ADGRL3: variants seen among roughly 807,000 people sequenced by gnomAD.
ADGRL3 encodes the protein calcium-independent alpha-latrotoxin receptor 3.
ADGRL3 carries 62 observed loss-of-function variants against 153.5 expected under a neutral mutation model. The observed-to-expected ratio is 0.40, with a 90% confidence interval of 0.33 to 0.50. The LOEUF (loss-of-function observed/expected upper bound fraction) is 0.50, where lower values mean the gene tolerates loss of function less well. Among genes scored for constraint, ADGRL3 ranks in the 20% least tolerant of loss-of-function variants. The pLI, the probability that ADGRL3 is intolerant of heterozygous loss-of-function variation, is 0.47. For missense variants in ADGRL3, 1,641 were observed against 1,859.4 expected, an observed-to-expected ratio of 0.88 and a Z score of 2.16; for synonymous variants, 710 against 672.5, an observed-to-expected ratio of 1.06 and a Z score of -0.86.
chr4:61,516,125 T>C (rs768422189), intron 3 of ADGRL3, among the ~76,000 whole-genome samples: 14 of 152,124 alleles, frequency 9.2e-5, no homozygotes, highest in Non-Finnish European at 1.8e-4. Context: ...TATTTCTTAA[T>C]ATGATTTTTT....
chr4:61,494,379 G>C (rs966823460), intron 2 of ADGRL3, among the ~76,000 whole-genome samples: 29 of 152,098 alleles, frequency 1.9e-4, no homozygotes, highest in African/African-American at 7.0e-4. Flanking sequence ...GGCAAAAAAG[G>C]CACAGAAAAA....
At chr4:61,802,992 G>A (rs915389701) in intron 8 of ADGRL3, among the ~76,000 whole-genome samples, 3 of 152,068 alleles carry the variant, frequency 2.0e-5, no homozygotes, top group Admixed American at 2.0e-4. Context: ...GGAAGAAAAT[G>A]AGACTATAAT....
chr4:61,716,558 C>T (rs1561114427), intron 6 of ADGRL3, among the ~76,000 whole-genome samples: 1 of 152,018 alleles, frequency 6.6e-6, no homozygotes, highest in African/African-American at 2.4e-5. Flanking sequence ...TTTAATCTAT[C>T]GATGTCATGG....
chr4:61,286,553 G>A (rs1277079194), intron 1 of ADGRL3, among the ~76,000 whole-genome samples: 1 of 151,610 alleles, frequency 6.6e-6, no homozygotes, highest in Non-Finnish European at 1.5e-5. Context: ...CTGACTTTGA[G>A]ATAGTACCTA....
intron 8 of ADGRL3, among the ~76,000 whole-genome samples, chr4:61,736,360 G>A (rs1438492529): frequency 6.6e-6 from 1 of 152,092 alleles, no homozygotes; most frequent in Non-Finnish European, 1.5e-5. Context: ...TTGTTAAAAG[G>A]ATGCTATTGA....
chr4:61,460,388 C>T (rs908089292), intron 2 of ADGRL3, among the ~76,000 whole-genome samples: 3 of 152,050 alleles, frequency 2.0e-5, no homozygotes, highest in Non-Finnish European at 4.4e-5. Context: ...GAAATTCTGT[C>T]ATTTGCAGCA....
chr4:61,425,158 C>G (rs188821715), intron 2 of ADGRL3, among the ~76,000 whole-genome samples: 1 of 152,138 alleles, frequency 6.6e-6, no homozygotes, highest in African/African-American at 2.4e-5. Flanking sequence ...CCCATGTTGA[C>G]ACCATCCCAT....
At chr4:62,018,714 A>T (rs912319971) in intron 21 of ADGRL3, among the ~76,000 whole-genome samples, 1 of 152,160 alleles carries the variant, frequency 6.6e-6, no homozygotes, top group Non-Finnish European at 1.5e-5. Flanking sequence ...TCATTGCCCC[A>T]GCTTTCCTTT....
Position 61,779,633 on chromosome 4 carries a change from C to CAAAA in ADGRL3, c.1400-34152_1400-34149dup, listed in dbSNP as rs1174232668. On this transcript the variant is annotated intron_variant, in intron 8 of 26. Transcript: ENST00000683033. ...TCGGTGCTGCAGTAAGACTCTGTCT[C>CAAAA]AAAAAAAAAAAAAAAAAAAAAAAAA... Among the ~76,000 whole-genome samples the CAAAA allele has an allele frequency of 1.4e-3, 60 of 42,096 alleles. 4 individuals carry two copies. Among genetic ancestry groups the CAAAA allele is most frequent in the African/African-American group, 5.4e-3 (55 of 10,258 alleles). 27.6% of individuals were successfully genotyped at this position (42,096 alleles called of 152,430 possible).
At chr4:61,356,546 T>G (rs1397532885) in intron 1 of ADGRL3, among the ~76,000 whole-genome samples, 2 of 152,078 alleles carry the variant, frequency 1.3e-5, no homozygotes, top group Non-Finnish European at 2.9e-5. Flanking sequence ...TTTGTAAGCA[T>G]TTTTTCATTT....
At chr4:62,060,639 A>T (rs1431939440) in intron 25 of ADGRL3, among the ~76,000 whole-genome samples, 1 of 151,964 alleles carries the variant, frequency 6.6e-6, no homozygotes, top group Admixed American at 6.6e-5. Flanking sequence ...TTGGTTTTCT[A>T]ATACGCTATG....
intron 8 of ADGRL3, among the ~76,000 whole-genome samples, chr4:61,747,756 G>A (rs1213146780): frequency 1.0e-4 from 15 of 149,754 alleles, no homozygotes; most frequent in African/African-American, 3.7e-4. Context: ...ATATCATACT[G>A]AATGGGCAAA....
intron 5 of ADGRL3, among the ~76,000 whole-genome samples, chr4:61,634,924 A>C (rs1178692900): frequency 3.3e-5 from 5 of 152,208 alleles, no homozygotes; most frequent in African/African-American, 1.2e-4. Flanking sequence ...AGCCCTATTT[A>C]CAAAGGGGAA....
chr4:61,641,442 C>A (rs188606132), intron 5 of ADGRL3, among the ~76,000 whole-genome samples: 1,357 of 117,534 alleles, frequency 0.012, 22 homozygotes, highest in African/African-American at 0.039. Context: ...CCCCCTCCCC[C>A]CACCCCACAA....
At chr4:61,372,998 C>G (rs188364275) in intron 1 of ADGRL3, among the ~76,000 whole-genome samples, 1 of 152,250 alleles carries the variant, frequency 6.6e-6, no homozygotes, top group East Asian at 1.9e-4. Flanking sequence ...TCTCCAGGTG[C>G]GGTCGGTCAC....
At chr4:62,063,305 C>G (rs1210879259) in intron 25 of ADGRL3, among the ~76,000 whole-genome samples, 2 of 152,014 alleles carry the variant, frequency 1.3e-5, no homozygotes, top group African/African-American at 2.4e-5. Context: ...CATTTTCTTT[C>G]TTTCCCATTG....
At chr4:61,556,872 C>T (rs899812031) in intron 4 of ADGRL3, among the ~76,000 whole-genome samples, 6 of 152,104 alleles carry the variant, frequency 3.9e-5, no homozygotes, top group Non-Finnish European at 8.8e-5. Flanking sequence ...AACACAGGCC[C>T]TTCTTTTTAA....
chr4:61,711,207 G>C (rs2095974075), intron 6 of ADGRL3, among the ~76,000 whole-genome samples: 1 of 151,790 alleles, frequency 6.6e-6, no homozygotes, highest in Admixed American at 6.6e-5. Context: ...AAGACATATT[G>C]CAGCACCACT....
chr4:61,913,870 G>T (rs570242497), intron 13 of ADGRL3, among the ~76,000 whole-genome samples: 147 of 152,244 alleles, frequency 9.7e-4, no homozygotes, highest in African/African-American at 3.4e-3. Context: ...ACTTTTTAAT[G>T]AATGGAAATA....
Sources: allele counts gnomAD v4.1 joint callset (sites outside exome capture counted in the v4.1 genomes callset), GRCh38; gene constraint gnomAD v4.1.1; transcripts MANE v1.5; gene names NCBI Gene and HGNC (gene_info 2026-07-23, HGNC 2026-07-21).